The following UTP6 variants were observed in gnomAD, a reference collection of about 807,000 sequenced individuals.
UTP6 encodes the protein U3 small nucleolar RNA-associated protein 6 homolog.
Under a neutral mutation model 96.5 loss-of-function variants are expected in UTP6, and 60 were observed. The observed-to-expected ratio is 0.62, with a 90% confidence interval of 0.51 to 0.77. The LOEUF (loss-of-function observed/expected upper bound fraction) is 0.77, where lower values mean the gene tolerates loss of function less well. Ranked by LOEUF, UTP6 falls within the 30% of genes least tolerant of loss-of-function variation. The pLI is 0.00. For synonymous variants in UTP6, 215 were observed against 240.1 expected, an observed-to-expected ratio of 0.90 and a Z score of 0.96; for missense variants, 637 against 706.5, an observed-to-expected ratio of 0.90 and a Z score of 1.12.
chr17:31,873,857 TAA>T (rs1910335828), intron 14 of UTP6, 104 bp from the exon 15 acceptor site: 2 of 1,301,460 alleles, frequency 1.5e-6, no homozygotes, highest in Non-Finnish European at 2.1e-6. Flanking sequence ...TTTTATGCTA[TAA>T]AATGACAGTT....
In UTP6 at chr17:31,896,917, T is replaced by G. The variant is rs74442374; in HGVS notation, c.178-1906A>C. ...GTGAGCCGCCACGCCCCTCCAGAAA[T>G]TTGTATTTTGAACACAATCAAATAA... On this transcript the variant is annotated intron_variant, in intron 2 of 18. Coordinates refer to ENST00000261708, the MANE Select transcript of UTP6 (RefSeq NM_018428.3). Among the ~76,000 whole-genome samples the G allele has an allele frequency of 6.0e-3, 907 of 151,744 alleles. 6 individuals carry two copies. Among genetic ancestry groups the G allele is most frequent in the African/African-American group, 0.021 (850 of 41,426 alleles).
intron 8 of UTP6, 39 bp from the exon 9 acceptor site, chr17:31,886,100 A>G: frequency 6.4e-7 from 1 of 1,572,544 alleles, no homozygotes; most frequent in Non-Finnish European, 8.7e-7. Flanking sequence ...AACAGGTAGT[A>G]CAAGGAGGAA....
At chr17:31,900,981 T>C (rs1355935279) in intron 1 of UTP6, among the ~76,000 whole-genome samples, 1 of 152,176 alleles carries the variant, frequency 6.6e-6, no homozygotes, top group Non-Finnish European at 1.5e-5. Flanking sequence ...AAAGCAACAG[T>C]CACAGAAACC....
At chr17:31,896,046 T>C (rs1198979524) in intron 2 of UTP6, among the ~76,000 whole-genome samples, 1 of 150,828 alleles carries the variant, frequency 6.6e-6, no homozygotes, top group Non-Finnish European at 1.5e-5. Flanking sequence ...GCTCTTATAA[T>C]GAATATAAAG....
chr17:31,876,849 T>C (rs1473170914), intron 13 of UTP6, among the ~76,000 whole-genome samples: 2 of 151,280 alleles, frequency 1.3e-5, no homozygotes, highest in East Asian at 2.0e-4. Flanking sequence ...TTGTTTCTAC[T>C]AAAAATACAA....
chr17:31,901,697 A>G lies in UTP6; in HGVS notation c.-70T>C, dbSNP rs1904993343. On this transcript the variant is annotated 5_prime_UTR_variant, in exon 1 of 19. Transcript: ENST00000261708. ...ACACGAGCAGGAAGCTCCCGGTTTC[A>G]GGTTCGGAGACCCAGCCCTACCACC... 1.3e-6 allele frequency: 2 copies of G among 1,489,734 alleles called. No homozygotes were observed. Among genetic ancestry groups the G allele is most frequent in the Non-Finnish European group, 1.9e-6 (2 of 1,076,878 alleles). The allele number at this position is 1,489,734 out of a possible 1,614,324, so 92.3% of individuals were successfully genotyped here.
intron 1 of UTP6, among the ~76,000 whole-genome samples, chr17:31,900,247 T>C (rs531651968): frequency 3.3e-5 from 5 of 152,258 alleles, no homozygotes; most frequent in Non-Finnish European, 7.4e-5. Context: ...CCAATGACAT[T>C]CCCACCAGCA....
At chr17:31,880,874 C>T in intron 10 of UTP6, 120 bp from the exon 11 acceptor site, 1 of 1,340,858 alleles carries the variant, frequency 7.5e-7, no homozygotes, top group Non-Finnish European at 1.0e-6. Flanking sequence ...ACTGCAGTAC[C>T]ATAAAAACTA....
intron 1 of UTP6, among the ~76,000 whole-genome samples, chr17:31,899,962 G>C (rs1904874738): frequency 6.6e-6 from 1 of 151,924 alleles, no homozygotes; most frequent in Admixed American, 6.6e-5. Flanking sequence ...TGGTCAACAT[G>C]GTAAAACTGC....
At chr17:31,894,937 T>G in intron 3 of UTP6, 33 bp downstream of exon 3, 1 of 1,552,996 alleles carries the variant, frequency 6.4e-7, no homozygotes, top group Non-Finnish European at 8.8e-7. Context: ...AGTTCTGTAT[T>G]TTTCTCCAAC....
intron 17 of UTP6, among the ~76,000 whole-genome samples, chr17:31,867,675 G>A (rs534072481): frequency 4.0e-5 from 6 of 151,366 alleles, no homozygotes; most frequent in Middle Eastern, 3.2e-3. Flanking sequence ...AAACACTCCC[G>A]GGCCAGGCAC....
At chr17:31,884,361 C>T (rs1268247034) in intron 10 of UTP6, 63 bp downstream of exon 10, 21 of 1,339,916 alleles carry the variant, frequency 1.6e-5, no homozygotes, top group Non-Finnish European at 1.6e-5. Flanking sequence ...AAATATCCAA[C>T]CTCAAACCCT....
intron 6 of UTP6, among the ~76,000 whole-genome samples, chr17:31,890,940 T>C (rs1043772709): frequency 1.3e-5 from 2 of 152,048 alleles, no homozygotes; most frequent in Non-Finnish European, 2.9e-5. Flanking sequence ...TGAGCTGATA[T>C]CACACCACTG....
Position 31,882,128 on chromosome 17 carries a change from T to A in UTP6, c.786-1374A>T, listed in dbSNP as rs1031149824. ...TCACTATAACCTCCGCCTCCTGGGTTCAAGCGATTCTCCTGCCTCAGCCTC... is the reference window on the plus strand; with the variant it reads ...TCACTATAACCTCCGCCTCCTGGGTACAAGCGATTCTCCTGCCTCAGCCTC... On this transcript the variant is annotated intron_variant, in intron 10 of 18. Coordinates refer to ENST00000261708, the MANE Select transcript of UTP6 (RefSeq NM_018428.3). Among the ~76,000 whole-genome samples the A allele has an allele frequency of 7.9e-5, 12 of 152,202 alleles. No homozygotes were observed. In the East Asian group the frequency reaches 2.3e-3, roughly 29 times the overall value.
In UTP6 at chr17:31,901,615, T is replaced by C. The variant is rs1904986488; in HGVS notation, c.13A>G (p.Ile5Val). MAEI[I>V]QERIEDRLPE... ...AGCCGATCTTCTATGCGTTCCTGAA[T>C]TATCTCTGCCATGAGGTCCGAGGTC... Residue 5 changes from isoleucine (I) to valine (V), a missense_variant, in exon 1 of 19, where the codon ATT (isoleucine) becomes GTT (valine). Coordinates refer to ENST00000261708, the MANE Select transcript of UTP6 (RefSeq NM_018428.3). 1 of 1,613,874 alleles carries C rather than the reference T, an allele frequency of 6.2e-7. No individual in the cohort carries two copies.
chr17:31,880,656 T>C lies in UTP6; in HGVS notation c.884A>G (p.Lys295Arg). The change falls in exon 11 of 19, where the codon AAA becomes AGA. Residue 295 changes from lysine (K) to arginine (R), a missense_variant. Transcript: ENST00000261708. The stretch of plus-strand genomic sequence containing the variant: ...GCCGACCTCCACTGCTTTGGCTTGT[T>C]TCGTTGTAGGCTGCTCTTCTGTCTG... The part of the protein sequence containing the change: ...ESQTEEQPTT[K>R]QAKAVEVGRK... 1 of 1,614,146 alleles carries C rather than the reference T, an allele frequency of 6.2e-7. No individual in the cohort carries two copies. Among genetic ancestry groups the C allele is most frequent in the Non-Finnish European group, 8.5e-7 (1 of 1,180,018 alleles).
In UTP6 at chr17:31,887,016, A is replaced by C. The variant is rs563034493; in HGVS notation, c.621+220T>G. Among the ~76,000 whole-genome samples, 8 of 152,028 alleles carry C rather than the reference A, an allele frequency of 5.3e-5. No individual in the cohort carries two copies. The South Asian group carries it at 1.7e-3, about 32-fold the overall frequency. ...CACTAACTCATCTGGAAGTTTCAAA[A>C]TGTAACAACATTAAACATTAAAGCT... is the stretch of plus-strand genomic sequence containing the variant. On this transcript the variant is annotated intron_variant, in intron 8 of 18. Coordinates refer to ENST00000261708, the MANE Select transcript of UTP6 (RefSeq NM_018428.3).
chr17:31,886,030 T>G lies in UTP6; in HGVS notation c.653A>C (p.Lys218Thr). The change falls in exon 9 of 19, where the codon AAG (lysine) becomes ACG (threonine). Residue 218 changes from lysine (K) to threonine (T), a missense_variant. By Grantham distance (78) the Lys-to-Thr change is moderately conservative. Transcript: ENST00000261708. ...ENPDYSEEIL[K>T]GELAWIIYKN... ...GTAGATGATCCATGCCAACTCGCCC[T>G]TAAGGATTTCTTCAGAATAATCAGG... The G allele has an allele frequency of 6.2e-7, 1 of 1,613,874 alleles. No individual in the cohort carries two copies. The highest frequency in any genetic ancestry group is 8.5e-7 in the Non-Finnish European group (1 of 1,179,950).
chr17:31,892,290 C>T lies in UTP6; in HGVS notation c.394G>A (p.Ala132Thr), dbSNP rs748837752. The change falls in exon 6 of 19, where the codon GCC becomes ACC. Residue 132 changes from alanine (A) to threonine (T), a missense_variant. Transcript: ENST00000261708. ...TTGTTGGAATGAATCGCCAACATGG[C>T]AGAGAATACCTTGCTAAGTCGAGTT... The part of the protein sequence containing the change: ...TKTRLSKVFS[A>T]MLAIHSNKPA... The T allele has an allele frequency of 2.5e-5, 40 of 1,614,098 alleles. No homozygotes were observed. The South Asian group carries it at 2.9e-4, about 12-fold the overall frequency.
Sources: gnomAD v4.1 joint callset for allele counts (sites outside exome capture counted in the v4.1 genomes callset) on GRCh38, gnomAD v4.1.1 for gene constraint, MANE v1.5 for transcripts, NCBI Gene and HGNC (gene_info 2026-07-23, HGNC 2026-07-21) for gene names.